The following CSMD1 variants were observed in gnomAD, a reference collection of about 807,000 sequenced individuals.
The protein encoded by CSMD1 is CUB and Sushi multiple domains 1.
Under a neutral mutation model 417.5 loss-of-function variants are expected in CSMD1, and 213 were observed. The ratio of observed to expected loss-of-function variants is 0.51; its 90% CI spans 0.46 to 0.57. The LOEUF is 0.57. Among genes scored for constraint, CSMD1 ranks in the 20% least tolerant of loss-of-function variants. CSMD1 has a pLI of 0.00. For synonymous variants in CSMD1, 2,862 were observed against 1,736.8 expected, an observed-to-expected ratio of 1.65 and a Z score of -16.11; for missense variants, 6,923 against 4,529.7, an observed-to-expected ratio of 1.53 and a Z score of -15.17.
intron 1 of CSMD1, among the ~76,000 whole-genome samples, chr8:4,849,551 C>G (rs1801343111): frequency 6.6e-6 from 1 of 152,166 alleles, no homozygotes; most frequent in African/African-American, 2.4e-5. Context: ...CCATTTATGA[C>G]AAGTACTCTA....
intron 1 of CSMD1, among the ~76,000 whole-genome samples, chr8:4,761,514 T>C (rs1563317965): frequency 6.6e-6 from 1 of 152,112 alleles, no homozygotes; most frequent in Non-Finnish European, 1.5e-5. Context: ...TGTAGTTTCA[T>C]CATAAATTGT....
intron 1 of CSMD1, among the ~76,000 whole-genome samples, chr8:4,813,020 A>C (rs188476002): frequency 6.6e-6 from 1 of 152,328 alleles, no homozygotes; most frequent in Non-Finnish European, 1.5e-5. Context: ...CCAACACTGG[A>C]ATCCACAAGA....
chr8:3,956,577 G>T (rs1164524994), intron 5 of CSMD1, among the ~76,000 whole-genome samples: 1 of 152,180 alleles, frequency 6.6e-6, no homozygotes, highest in Non-Finnish European at 1.5e-5. Flanking sequence ...ATCAAATACT[G>T]TGCCCCATGT....
chr8:4,587,829 C>T (rs555181500), intron 2 of CSMD1, among the ~76,000 whole-genome samples: 1 of 152,234 alleles, frequency 6.6e-6, no homozygotes, highest in African/African-American at 2.4e-5. Context: ...TTTGCCTTTC[C>T]ACAACTCTGT....
At chr8:3,769,058 AAGTC>A (rs1487490489) in intron 5 of CSMD1, among the ~76,000 whole-genome samples, 1 of 152,244 alleles carries the variant, frequency 6.6e-6, no homozygotes. Context: ...TTTGGTTAGA[AAGTC>A]AGTCAGGAAA....
chr8:3,737,768 C>G (rs1388860626), intron 6 of CSMD1, among the ~76,000 whole-genome samples: 20 of 152,148 alleles, frequency 1.3e-4, no homozygotes, highest in Non-Finnish European at 5.9e-5. Context: ...TTTAAGCTCC[C>G]ATGAAATCGT....
chr8:4,859,794 A>T (rs529811194), intron 1 of CSMD1, among the ~76,000 whole-genome samples: 8 of 152,100 alleles, frequency 5.3e-5, no homozygotes, highest in Non-Finnish European at 8.8e-5. Flanking sequence ...AAATAGGAAC[A>T]CTTTGACACT....
rs753699147 is a variant in CSMD1, at chr8:3,359,355, G to C, written c.3116-15C>G. 42 of 1,601,440 alleles carry C rather than the reference G, an allele frequency of 2.6e-5. 1 individual carries two copies. In the South Asian group the frequency reaches 4.4e-4, roughly 17 times the overall value. On this transcript the variant is annotated splice_polypyrimidine_tract_variant and intron_variant, in intron 20 of 69. Transcript: ENST00000635120. ...CAGGTCATATTCTGAGGCATGCAGA[G>C]ACAGAGTAAATGCATGAGGATTTGG...
intron 10 of CSMD1, among the ~76,000 whole-genome samples, chr8:3,535,532 G>A (rs188337759): frequency 7.9e-4 from 120 of 152,186 alleles, no homozygotes; most frequent in African/African-American, 2.7e-3. Context: ...GTAAGACCAC[G>A]GAGACTTGGA....
rs867107794 is a variant in CSMD1, at chr8:4,724,674, G to T, written c.86-87116C>A. Among the ~76,000 whole-genome samples the T allele has an allele frequency of 2.6e-5, 4 of 152,042 alleles. No individual in the cohort carries two copies. In the South Asian group the frequency reaches 6.2e-4, roughly 24 times the overall value. ...CACAGACATTGAATAAACTTGCTTTGTATTTTAAATTATTGAACACCATTC... is the reference window on the plus strand; with the variant it reads ...CACAGACATTGAATAAACTTGCTTTTTATTTTAAATTATTGAACACCATTC... On this transcript the variant is annotated intron_variant, in intron 1 of 69. Transcript: ENST00000635120.
intron 3 of CSMD1, among the ~76,000 whole-genome samples, chr8:4,130,811 G>A (rs1275301732): frequency 6.6e-6 from 1 of 151,426 alleles, no homozygotes; most frequent in African/African-American, 2.4e-5. Context: ...TTATATATTT[G>A]TATATATAAT....
At position 3,546,539 on chromosome 8, in the gene CSMD1, GA is replaced by G. The variant is rs112724252; in HGVS notation, c.1344+28405del. Among the ~76,000 whole-genome samples the G allele has an allele frequency of 5.8e-3, 829 of 142,030 alleles. 4 individuals are homozygous for G. Among genetic ancestry groups the G allele is most frequent in the African/African-American group, 0.018 (696 of 39,062 alleles). 93.2% of individuals were successfully genotyped at this position (142,030 alleles called of 152,430 possible). A position where few individuals can be genotyped will look rare whatever the true frequency, so the allele number is the denominator to read the frequency against. ...GACAGAGTGAGACTCCAAAAAAAAA[GA>G]AAAAAAAAAATCCTGATACTGTCAC... On this transcript the variant is annotated intron_variant, in intron 10 of 69. Transcript: ENST00000635120.
chr8:4,396,529 T>G (rs888473670), intron 3 of CSMD1, among the ~76,000 whole-genome samples: 1 of 151,950 alleles, frequency 6.6e-6, no homozygotes, highest in Admixed American at 6.6e-5. Context: ...AAGAAGATAC[T>G]TGCACAGTTA....
At chr8:4,480,061 G>A (rs767112849) in intron 2 of CSMD1, among the ~76,000 whole-genome samples, 1 of 151,902 alleles carries the variant, frequency 6.6e-6, no homozygotes, top group Non-Finnish European at 1.5e-5. Flanking sequence ...GTGGTCGTGA[G>A]TTCTGTTAGA....
At chr8:4,972,149 G>A (rs1411704677) in intron 1 of CSMD1, among the ~76,000 whole-genome samples, 1 of 152,092 alleles carries the variant, frequency 6.6e-6, no homozygotes, top group South Asian at 2.1e-4. Context: ...CCTGTAGGTA[G>A]AAATGAGACC....
At chr8:4,851,978 A>G (rs1013614782) in intron 1 of CSMD1, among the ~76,000 whole-genome samples, 6 of 152,094 alleles carry the variant, frequency 3.9e-5, no homozygotes, top group Admixed American at 3.9e-4. Context: ...TTTTTTCCCT[A>G]TAGATTTAAT....
chr8:2,941,758 T>G (rs935511307), intron 69 of CSMD1, among the ~76,000 whole-genome samples: 1 of 152,194 alleles, frequency 6.6e-6, no homozygotes, highest in African/African-American at 2.4e-5. Context: ...AAGAGCTAAA[T>G]TTGTATTTGT....
chr8:4,215,150 G>A (rs545122869), intron 3 of CSMD1, among the ~76,000 whole-genome samples: 12 of 152,264 alleles, frequency 7.9e-5, no homozygotes, highest in South Asian at 2.1e-4. Flanking sequence ...GAGAGGGGAC[G>A]CATCCCAAAC....
At chr8:3,811,431 T>C (rs1387767577) in intron 5 of CSMD1, among the ~76,000 whole-genome samples, 3 of 152,322 alleles carry the variant, frequency 2.0e-5, no homozygotes, top group African/African-American at 7.2e-5. Context: ...ATGTTCGACT[T>C]ACTGGGAGTG....
Sources: gnomAD v4.1 joint callset for allele counts (sites outside exome capture counted in the v4.1 genomes callset) on GRCh38, gnomAD v4.1.1 for gene constraint, MANE v1.5 for transcripts, NCBI Gene and HGNC (gene_info 2026-07-23, HGNC 2026-07-21) for gene names.